Variants in REV3L observed in about 807,000 individuals in gnomAD.
The protein encoded by REV3L is DNA polymerase zeta catalytic subunit.
Under a neutral mutation model 299.4 loss-of-function variants are expected in REV3L, and 69 were observed. The observed-to-expected ratio is 0.23, with a 90% CI of 0.19 to 0.28. The LOEUF (loss-of-function observed/expected upper bound fraction) is 0.28, where lower values mean the gene tolerates loss of function less well. Ranked by LOEUF, REV3L falls within the 10% of genes least tolerant of loss-of-function variation. The pLI is 1.00. For synonymous variants in REV3L, 1,238 were observed against 1,271.4 expected, an observed-to-expected ratio of 0.97 and a Z score of 0.56; for missense variants, 3,128 against 3,693.8, an observed-to-expected ratio of 0.85 and a Z score of 3.97.
rs1186399367 is a variant in REV3L at position 111,307,369 on chromosome 6, G to A, written c.9244C>T (p.Leu3082Phe). 1.9e-6 allele frequency: 3 copies of A among 1,613,882 alleles called. No individual in the cohort carries two copies. Among genetic ancestry groups the A allele is most frequent in the Non-Finnish European group, 2.5e-6 (3 of 1,179,858 alleles). The change falls in exon 31 of 32, where the codon CTT becomes TTT. Residue 3082 changes from leucine (L) to phenylalanine (F), a missense_variant. Transcript: ENST00000368802. ...ATGGAACAAAACTGTACCTTTACAAGTTGCTCCTGTTGACGTTCCAACTCC... is the reference window on the plus strand; with the variant it reads ...ATGGAACAAAACTGTACCTTTACAAATTGCTCCTGTTGACGTTCCAACTCC... The part of the protein sequence containing the change: ...IRELERQQEQ[L>F]VKICKNCTGC...
rs1329360200 is a variant in REV3L, at chr6:111,413,343, T to C, written c.330-1789A>G. On this transcript the variant is annotated intron_variant, in intron 2 of 31. Coordinates refer to ENST00000368802, the MANE Select transcript of REV3L (RefSeq NM_001372078.1). Reference sequence around the variant, plus strand: ...AGCAGATGTTTTCATGTTTAAAAAATTATATCTCGTAATTAGTTTTTTAAG... The same window carrying C: ...AGCAGATGTTTTCATGTTTAAAAAACTATATCTCGTAATTAGTTTTTTAAG... Among the ~76,000 whole-genome samples the C allele has an allele frequency of 5.9e-5, 9 of 152,182 alleles. No individual in the cohort carries two copies. In the Middle Eastern group the frequency reaches 0.01, roughly 173 times the overall value.
At chr6:111,469,160 AAAC>A (rs754658711) in intron 1 of REV3L, among the ~76,000 whole-genome samples, 3 of 152,078 alleles carry the variant, frequency 2.0e-5, no homozygotes, top group Non-Finnish European at 4.4e-5. Flanking sequence ...AGACTGTTTC[AAAC>A]AACAACAAAA....
intron 1 of REV3L, among the ~76,000 whole-genome samples, chr6:111,438,319 T>C (rs909448410): frequency 6.6e-6 from 1 of 152,084 alleles, no homozygotes; most frequent in African/African-American, 2.4e-5. Context: ...ATTATGAATA[T>C]ACAGAAATAT....
At chr6:111,383,643 T>C (rs1417144589) in intron 9 of REV3L, among the ~76,000 whole-genome samples, 3 of 152,170 alleles carry the variant, frequency 2.0e-5, no homozygotes, top group Non-Finnish European at 4.4e-5. Context: ...TCCACGTTCA[T>C]GGATTGGAAG....
intron 4 of REV3L, among the ~76,000 whole-genome samples, chr6:111,401,156 G>A (rs557433514): frequency 6.6e-6 from 1 of 152,222 alleles, no homozygotes; most frequent in African/African-American, 2.4e-5. Context: ...CTTGATAACT[G>A]TTGCTTTATA....
chr6:111,307,203 TTTA>T (rs1423807184), intron 31 of REV3L, among the ~76,000 whole-genome samples, 155 bp downstream of exon 31: 1 of 152,168 alleles, frequency 6.6e-6, no homozygotes, highest in Non-Finnish European at 1.5e-5. Flanking sequence ...TTATTAATAG[TTTA>T]TGATATTTTT....
At chr6:111,356,115 T>C (rs1295219750) in intron 18 of REV3L, among the ~76,000 whole-genome samples, 1 of 152,158 alleles carries the variant, frequency 6.6e-6, no homozygotes, top group Non-Finnish European at 1.5e-5. Flanking sequence ...ACTGATTTAG[T>C]TTTTATAGGA....
At chr6:111,478,762 A>T (rs1793256431) in intron 1 of REV3L, among the ~76,000 whole-genome samples, 1 of 152,174 alleles carries the variant, frequency 6.6e-6, no homozygotes, top group Non-Finnish European at 1.5e-5. Flanking sequence ...TCAATTCCTT[A>T]TGTTGAAAAG....
intron 4 of REV3L, among the ~76,000 whole-genome samples, chr6:111,401,899 C>T (rs1368889607): frequency 6.6e-6 from 1 of 151,892 alleles, no homozygotes; most frequent in Non-Finnish European, 1.5e-5. Context: ...TCGCTTAAGC[C>T]TAGGAGTTCT....
intron 21 of REV3L, among the ~76,000 whole-genome samples, chr6:111,337,713 G>A (rs1193032328): frequency 1.3e-5 from 2 of 152,122 alleles, no homozygotes; most frequent in Admixed American, 1.3e-4. Flanking sequence ...GACAAAAAAT[G>A]ATACATTTTA....
chr6:111,447,577 A>G (rs1430857449), intron 1 of REV3L, among the ~76,000 whole-genome samples: 2 of 152,252 alleles, frequency 1.3e-5, no homozygotes, highest in African/African-American at 4.8e-5. Flanking sequence ...GGCATAAGGT[A>G]TAACAGGACA....
intron 1 of REV3L, among the ~76,000 whole-genome samples, chr6:111,478,141 C>A (rs192071381): frequency 8.5e-5 from 13 of 152,250 alleles, no homozygotes; most frequent in Admixed American, 7.8e-4. Flanking sequence ...TTAAAAATTC[C>A]TTTAACATGA....
chr6:111,392,755 G>C lies in REV3L; in HGVS notation c.662+121C>G, dbSNP rs1782067135. 5 of 609,710 alleles carry C rather than the reference G, an allele frequency of 8.2e-6. No homozygotes were observed. The Admixed American group carries it at 1.4e-4, about 17-fold the overall frequency. 37.8% of individuals were successfully genotyped at this position (609,710 alleles called of 1,614,324 possible). On this transcript the variant is annotated intron_variant, in intron 5 of 31. Transcript: ENST00000368802. ...TAATGTCAAGGTTTGTTTCTGTTAA[G>C]TGTATAGATTAAAAAGATCCAATAC...
In REV3L at chr6:111,343,239, G is replaced by T. The variant is rs1249345078; in HGVS notation, c.7538+686C>A. ...ATAATTGAATACTATTTAATAATAAGAATGAACAAACTATTTATGCAACAG... is the reference window on the plus strand; with the variant it reads ...ATAATTGAATACTATTTAATAATAATAATGAACAAACTATTTATGCAACAG... On this transcript the variant is annotated intron_variant, in intron 21 of 31. Transcript: ENST00000368802. Among the ~76,000 whole-genome samples the T allele has an allele frequency of 6.6e-5, 10 of 152,248 alleles. No homozygotes were observed. In the East Asian group the frequency reaches 1.7e-3, roughly 26 times the overall value.
Position 111,313,359 on chromosome 6 carries a change from A to C in REV3L, c.8597T>G (p.Val2866Gly). 1 of 1,607,106 alleles carries C rather than the reference A, an allele frequency of 6.2e-7. No individual in the cohort carries two copies. Among genetic ancestry groups the C allele is most frequent in the Non-Finnish European group, 8.5e-7 (1 of 1,178,262 alleles). ...AAGATAGATAAACCTTACCTTAGAA[A>C]CAGCAGGGCAGGAATCTCTTCTGAC... Reference protein sequence around the residue: ...ETVRRDSCPAVSKILERSLKL... With the variant: ...ETVRRDSCPAGSKILERSLKL... The change falls in exon 28 of 32, where the codon GTT (valine) becomes GGT (glycine). Residue 2866 changes from valine (V) to glycine (G), a missense_variant. By Grantham distance (109) the Val-to-Gly change is moderately radical (BLOSUM62 -3). Around this residue, in one of 9 missense-constraint regions of REV3L, gnomAD observed 294 missense variants for 377.0 expected, o/e 0.78. Transcript: ENST00000368802.
chr6:111,353,733 G>C (rs1384665976), intron 18 of REV3L: 1 of 152,116 alleles, frequency 6.6e-6, no homozygotes, highest in Non-Finnish European at 1.5e-5. Context: ...AAAGATCCCA[G>C]GGCACTCAAG....
intron 9 of REV3L, among the ~76,000 whole-genome samples, chr6:111,385,976 G>A (rs919465957): frequency 6.6e-6 from 1 of 152,126 alleles, no homozygotes; most frequent in African/African-American, 2.4e-5. Flanking sequence ...AAATGTTGAG[G>A]CTTTGCTTGC....
At chr6:111,391,066 A>T (rs976424992) in intron 5 of REV3L, among the ~76,000 whole-genome samples, 26 of 137,444 alleles carry the variant, frequency 1.9e-4, no homozygotes, top group Middle Eastern at 7.8e-3. Context: ...ACACTTTGGT[A>T]TTTTTTTTTT....
chr6:111,374,972 C>T lies in REV3L; in HGVS notation c.3383G>A (p.Cys1128Tyr). Reference protein sequence around the residue: ...TSPINSSPPRCWSPTDPRAEE... With the variant: ...TSPINSSPPRYWSPTDPRAEE... Reference sequence around the variant, plus strand: ...AGCTCTTGGATCTGTGGGAGACCAGCAGCGAGGTGGAGAAGAATTTATGGG... The same window carrying T: ...AGCTCTTGGATCTGTGGGAGACCAGTAGCGAGGTGGAGAAGAATTTATGGG... Residue 1128 changes from cysteine to tyrosine, a missense_variant, in exon 13 of 32, where the codon TGC becomes TAC. Physicochemically the swap from Cys to Tyr is radical, Grantham distance 194. This residue lies in a region of REV3L where 2,409 missense variants were observed against 2,611.8 expected (regional missense o/e 0.92). Coordinates refer to ENST00000368802, the MANE Select transcript of REV3L (RefSeq NM_001372078.1). 6.2e-7 allele frequency: 1 copy of T among 1,612,398 alleles called. No homozygotes were observed. Among genetic ancestry groups the T allele is most frequent in the African/African-American group, 1.3e-5 (1 of 74,954 alleles).
Sources: allele counts gnomAD v4.1 joint callset (sites outside exome capture counted in the v4.1 genomes callset), GRCh38; gene constraint gnomAD v4.1.1; regional missense constraint gnomAD v4.1.1; transcripts MANE v1.5; gene names NCBI Gene and HGNC (gene_info 2026-07-23, HGNC 2026-07-21).